The following RRP15 variants were observed in gnomAD, a reference collection of about 807,000 sequenced individuals.
RRP15 encodes ribosomal RNA processing 15 homolog, also known as RRP15-like protein.
In RRP15, 18 loss-of-function variants were observed where a neutral mutation model predicts 27.1. That is an observed-to-expected ratio of 0.66 (90% CI 0.46 to 0.98). The LOEUF (loss-of-function observed/expected upper bound fraction) is 0.98. Ranked by LOEUF, RRP15 falls within the 50% of genes least tolerant of loss-of-function variation. RRP15 has a pLI of 0.00. For synonymous variants in RRP15, 107 were observed against 109.4 expected (o/e 0.98, Z 0.14); for missense variants, 359 against 337.8 (o/e 1.06, Z -0.49).
At chr1:218,297,357 A>G (rs907916611) in intron 1 of RRP15, among the ~76,000 whole-genome samples, 1 of 152,114 alleles carries the variant, frequency 6.6e-6, no homozygotes, top group African/African-American at 2.4e-5. Flanking sequence ...CCACATAAAA[A>G]TTCTCATTGT....
At chr1:218,306,910 C>T (rs1417419774) in intron 3 of RRP15, among the ~76,000 whole-genome samples, 1 of 152,144 alleles carries the variant, frequency 6.6e-6, no homozygotes, top group Admixed American at 6.5e-5. Context: ...CAATTCAGAC[C>T]AGTCACATTT....
chr1:218,307,579 G>C lies in RRP15; in HGVS notation c.652G>C (p.Asp218His), dbSNP rs1002911324. The C allele has an allele frequency of 1.2e-6, 2 of 1,613,970 alleles. No homozygotes were observed. The highest frequency in any genetic ancestry group is 2.2e-5 in the East Asian group (1 of 44,844). Residue 218 changes from aspartate to histidine, a missense_variant, in exon 4 of 5, where the codon GAT (aspartate) becomes CAT (histidine). By Grantham distance (81) the Asp-to-His change is moderately conservative. Transcript: ENST00000366932. The part of the protein sequence containing the change: ...KDFISVLRGM[D>H]GSTNETASSR... ...TTTCATCAGTGTTTTGAGAGGGATGGATGGAAGTACAAATGAGACTGCTTC... is the reference window on the plus strand; with the variant it reads ...TTTCATCAGTGTTTTGAGAGGGATGCATGGAAGTACAAATGAGACTGCTTC...
At chr1:218,299,383 G>T (rs1423971055) in intron 1 of RRP15, among the ~76,000 whole-genome samples, 4 of 152,066 alleles carry the variant, frequency 2.6e-5, no homozygotes, top group Admixed American at 1.3e-4. Context: ...TGGATTTATT[G>T]TGTGTTCATA....
intron 1 of RRP15, among the ~76,000 whole-genome samples, chr1:218,290,856 C>T (rs141648555): frequency 2.4e-3 from 365 of 152,154 alleles, no homozygotes; most frequent in African/African-American, 8.0e-3. Flanking sequence ...TGGCCACATG[C>T]GGGGGGCATA....
At chr1:218,308,388 T>C (rs1237395980) in intron 4 of RRP15, among the ~76,000 whole-genome samples, 1 of 151,944 alleles carries the variant, frequency 6.6e-6, no homozygotes, top group East Asian at 1.9e-4. Flanking sequence ...TTCTTTTTAA[T>C]GTACCAGGTG....
intron 4 of RRP15, among the ~76,000 whole-genome samples, chr1:218,325,406 G>T (rs1656256863): frequency 1.3e-5 from 2 of 152,088 alleles, no homozygotes; most frequent in South Asian, 4.1e-4. Flanking sequence ...AGGCTGCATT[G>T]GAAGTAAACT....
chr1:218,328,179 C>T (rs1355304506), intron 4 of RRP15, among the ~76,000 whole-genome samples: 1 of 152,198 alleles, frequency 6.6e-6, no homozygotes, highest in Non-Finnish European at 1.5e-5. Context: ...AAAGCTCTTC[C>T]TGTTATTCTT....
At chr1:218,291,029 C>T (rs1655629611) in intron 1 of RRP15, among the ~76,000 whole-genome samples, 1 of 151,974 alleles carries the variant, frequency 6.6e-6, no homozygotes, top group Non-Finnish European at 1.5e-5. Context: ...ATCCCAGCTA[C>T]TTGGGAGGCT....
chr1:218,302,370 G>A lies in RRP15; in HGVS notation c.216G>A (p.Glu72=), dbSNP rs530326999. ...AAGCTGACAGTGAGGGTGATGCTGAGCCCTGTGACAAAGAAAATGAAAATG... is the reference window on the plus strand; with the variant it reads ...AAGCTGACAGTGAGGGTGATGCTGAACCCTGTGACAAAGAAAATGAAAATG... ...AIEADSEGDA[E]PCDKENENDG... The change falls in exon 2 of 5, where the codon GAG becomes GAA. Residue 72 remains glutamate (E), a synonymous_variant. Coordinates refer to ENST00000366932, the MANE Select transcript of RRP15 (RefSeq NM_016052.4). The A allele has an allele frequency of 5.6e-6, 9 of 1,613,944 alleles. No individual in the cohort carries two copies. Among genetic ancestry groups the A allele is most frequent in the Middle Eastern group, 1.6e-4 (1 of 6,082 alleles).
intron 1 of RRP15, among the ~76,000 whole-genome samples, chr1:218,295,536 A>T (rs1571793831): frequency 6.6e-6 from 1 of 152,224 alleles, no homozygotes; most frequent in East Asian, 1.9e-4. Context: ...AAGACTTGAT[A>T]ACAATTCAGG....
chr1:218,327,187 C>G (rs1251002360), intron 4 of RRP15, among the ~76,000 whole-genome samples: 1 of 152,204 alleles, frequency 6.6e-6, no homozygotes, highest in Non-Finnish European at 1.5e-5. Flanking sequence ...TTGAGCAAGA[C>G]TAGTTGTTTA....
chr1:218,313,280 G>A (rs1026169374), intron 4 of RRP15, among the ~76,000 whole-genome samples: 5 of 152,182 alleles, frequency 3.3e-5, no homozygotes, highest in South Asian at 2.1e-4. Flanking sequence ...GGGAGAGAAC[G>A]TGAACTAAGA....
At chr1:218,311,392 G>A (rs1655993890) in intron 4 of RRP15, among the ~76,000 whole-genome samples, 1 of 152,080 alleles carries the variant, frequency 6.6e-6, no homozygotes, top group Non-Finnish European at 1.5e-5. Flanking sequence ...TCACTGCTGA[G>A]CAAAATAATA....
chr1:218,301,700 A>T (rs1170092916), intron 1 of RRP15: 1 of 150,994 alleles, frequency 6.6e-6, no homozygotes. Flanking sequence ...TTGTTAGATA[A>T]TTTTTTTTTC....
At chr1:218,310,897 C>T (rs1319853639) in intron 4 of RRP15, among the ~76,000 whole-genome samples, 1 of 151,818 alleles carries the variant, frequency 6.6e-6, no homozygotes, top group Non-Finnish European at 1.5e-5. Flanking sequence ...TACAGGCGTG[C>T]ACCACCATGC....
At chr1:218,328,071 A>G (rs540893882) in intron 4 of RRP15, among the ~76,000 whole-genome samples, 35 of 152,384 alleles carry the variant, frequency 2.3e-4, no homozygotes, top group African/African-American at 7.7e-4. Flanking sequence ...TTATGCAGAT[A>G]ATGCTGCTGG....
intron 4 of RRP15, among the ~76,000 whole-genome samples, chr1:218,318,064 A>G (rs1287030510): frequency 1.3e-5 from 2 of 152,108 alleles, no homozygotes; most frequent in African/African-American, 4.8e-5. Flanking sequence ...AGAAAATTAC[A>G]AAGAATAGTA....
chr1:218,291,861 A>T (rs1655648509), intron 1 of RRP15, among the ~76,000 whole-genome samples: 2 of 148,778 alleles, frequency 1.3e-5, no homozygotes, highest in African/African-American at 5.0e-5. Flanking sequence ...TTTTTAAGAC[A>T]AAGTCTTGGT....
At chr1:218,314,441 A>G (rs893068200) in intron 4 of RRP15, among the ~76,000 whole-genome samples, 2 of 152,124 alleles carry the variant, frequency 1.3e-5, no homozygotes, top group Non-Finnish European at 2.9e-5. Context: ...AAATTCAATC[A>G]GATTTCTTGG....
Sources: allele counts gnomAD v4.1 joint callset (sites outside exome capture counted in the v4.1 genomes callset), GRCh38; gene constraint gnomAD v4.1.1; transcripts MANE v1.5; gene names NCBI Gene and HGNC (gene_info 2026-07-23, HGNC 2026-07-21).